Variants in TSBP1 observed in about 807,000 individuals in gnomAD.
TSBP1 encodes the protein testis expressed basic protein 1, also known as testis-expressed basic protein 1.
A neutral mutation model predicts 68.8 loss-of-function variants in TSBP1; 56 were observed. The ratio of observed to expected loss-of-function variants is 0.81; its 90% CI spans 0.66 to 1.02. TSBP1 has a LOEUF of 1.02. Ranked by LOEUF, TSBP1 falls within the 50% of genes least tolerant of loss-of-function variation. TSBP1 has a pLI of 0.00. For missense variants in TSBP1, 502 were observed against 641.2 expected (o/e 0.78, Z 2.34); for synonymous variants, 171 against 208.7 (o/e 0.82, Z 1.56).
chr6:32,345,789 T>C (rs1770944126), intron 9 of TSBP1, among the ~76,000 whole-genome samples: 1 of 152,174 alleles, frequency 6.6e-6, no homozygotes, highest in African/African-American at 2.4e-5. Flanking sequence ...GAGGTCCTGG[T>C]TTGAGAGGCC....
chr6:32,370,925 A>C (rs1342640560), intron 1 of TSBP1, among the ~76,000 whole-genome samples: 1 of 152,184 alleles, frequency 6.6e-6, no homozygotes, highest in Non-Finnish European at 1.5e-5. Flanking sequence ...AAAACTCTGA[A>C]GAATATTGAG....
Position 32,322,468 on chromosome 6 carries a change from G to T in TSBP1, c.559+649C>A, listed in dbSNP as rs771621512. The T allele has an allele frequency of 6.3e-7, 1 of 1,587,308 alleles. No homozygotes were observed. The highest frequency in any genetic ancestry group is 8.6e-7 in the Non-Finnish European group (1 of 1,156,874). On this transcript the variant is annotated intron_variant, in intron 18 of 22. Coordinates refer to ENST00000612031, the Ensembl canonical transcript of TSBP1. ...GAAAAGTCCCCACATATGACCAGCTGAGAAGTAGAGTACTTACTTGCGGTT... is the reference window on the plus strand; with the variant it reads ...GAAAAGTCCCCACATATGACCAGCTTAGAAGTAGAGTACTTACTTGCGGTT...
At chr6:32,342,918 GA>G in intron 9 of TSBP1, among the ~76,000 whole-genome samples, 1 of 152,270 alleles carries the variant, frequency 6.6e-6, no homozygotes, top group East Asian at 1.9e-4. Context: ...TTAAAGGAAG[GA>G]AAATATTTAA....
chr6:32,301,529 A>G (rs930465982), intron 20 of TSBP1, among the ~76,000 whole-genome samples: 1 of 151,470 alleles, frequency 6.6e-6, no homozygotes, highest in Non-Finnish European at 1.5e-5. Context: ...AGCCTGGGCA[A>G]CATAATGAGA....
chr6:32,362,063 G>T (rs1476819065), intron 6 of TSBP1, among the ~76,000 whole-genome samples: 1 of 152,046 alleles, frequency 6.6e-6, no homozygotes, highest in Non-Finnish European at 1.5e-5. Flanking sequence ...GGCCGAGGTG[G>T]GCGGATCACG....
chr6:32,295,057 TG>T (rs1322012607), intron 22 of TSBP1, among the ~76,000 whole-genome samples: 1 of 152,076 alleles, frequency 6.6e-6, no homozygotes, highest in East Asian at 1.9e-4. Flanking sequence ...AGACTTGGGC[TG>T]GGGGCAGTGG....
intron 1 of TSBP1, 36 bp downstream of exon 1, chr6:32,371,658 A>G (rs772489411): frequency 2.7e-6 from 4 of 1,501,206 alleles, no homozygotes; most frequent in Admixed American, 1.7e-5. Context: ...GAACTACTAG[A>G]GTTGAGGAAG....
chr6:32,364,832 G>A (rs1235004406), intron 6 of TSBP1, among the ~76,000 whole-genome samples: 1 of 152,038 alleles, frequency 6.6e-6, no homozygotes, highest in African/African-American at 2.4e-5. Flanking sequence ...GTCTTGTCTT[G>A]TGTTTTCACA....
intron 16 of TSBP1, chr6:32,324,631 G>A: frequency 6.4e-7 from 1 of 1,550,624 alleles, no homozygotes; most frequent in East Asian, 2.4e-5. Context: ...CTAAAGGAGA[G>A]AATTCAATGA....
At chr6:32,317,606 T>G (rs1212164299) in intron 18 of TSBP1, among the ~76,000 whole-genome samples, 2 of 151,962 alleles carry the variant, frequency 1.3e-5, no homozygotes, top group East Asian at 3.9e-4. Context: ...TTAAACAAAT[T>G]TACAAGACAA....
Position 32,336,713 on chromosome 6 carries a change from T to C in TSBP1, c.410-78A>G, listed in dbSNP as rs1380146841. ...TTACCAGTATTGTTTCTAAAGAAAC[T>C]ATGAAGCAATTCAACCAGAGGAGAA... On this transcript the variant is annotated intron_variant, in intron 11 of 22. Transcript: ENST00000612031. The surrounding 1 kb of genome is among the most constrained non-coding windows in gnomAD (Gnocchi z 5.2). 4 of 1,349,514 alleles carry C rather than the reference T, an allele frequency of 3.0e-6. No homozygotes were observed. The African/African-American group carries it at 5.8e-5, about 19-fold the overall frequency. 83.6% of individuals were successfully genotyped at this position (1,349,514 alleles called of 1,614,324 possible). A position where few individuals can be genotyped will look rare whatever the true frequency, so the allele number is the denominator to read the frequency against.
At chr6:32,303,897 A>G (rs3864299) in intron 19 of TSBP1, among the ~76,000 whole-genome samples, 1 of 151,930 alleles carries the variant, frequency 6.6e-6, no homozygotes, top group African/African-American at 2.4e-5. Flanking sequence ...TACATCTTCT[A>G]GTTTTTATTA....
At chr6:32,294,699 G>C (rs1252568120) in intron 22 of TSBP1, among the ~76,000 whole-genome samples, 2 of 152,122 alleles carry the variant, frequency 1.3e-5, no homozygotes, top group Non-Finnish European at 2.9e-5. Context: ...TGAGTAGTCA[G>C]ACTCCAGTGT....
At chr6:32,334,605 C>T (rs1265757) in intron 14 of TSBP1, among the ~76,000 whole-genome samples, 9,528 of 151,984 alleles carry the variant, frequency 0.063, 459 homozygotes, top group Non-Finnish European at 0.11. Flanking sequence ...TTAGATGCAA[C>T]AAAGTAATGT....
chr6:32,330,891 G>A (rs1768937100), intron 15 of TSBP1, among the ~76,000 whole-genome samples: 1 of 152,008 alleles, frequency 6.6e-6, no homozygotes, highest in Non-Finnish European at 1.5e-5. Context: ...GGCTGGTCTC[G>A]AACTCCTGAC....
In TSBP1 at chr6:32,325,285, T is replaced by C; in HGVS notation, c.515-1671A>G. On this transcript the variant is annotated intron_variant, in intron 16 of 22. Transcript: ENST00000612031. This position sits in a 1 kb window ranked among gnomAD's most constrained non-coding sequence, Gnocchi z 4.4. Reference sequence around the variant, plus strand: ...GAAGCTCTTCATTGGAGGGTTGAGCTTTGAAACAACTGATGAGAGCCTGAG... The same window carrying C: ...GAAGCTCTTCATTGGAGGGTTGAGCCTTGAAACAACTGATGAGAGCCTGAG... 1.4e-6 allele frequency: 2 copies of C among 1,392,272 alleles called. No individual in the cohort carries two copies. Among genetic ancestry groups the C allele is most frequent in the Admixed American group, 1.8e-5 (1 of 54,982 alleles). 86.2% of individuals were successfully genotyped at this position (1,392,272 alleles called of 1,614,324 possible).
intron 16 of TSBP1, 86 bp downstream of exon 17, chr6:32,330,503 T>C: frequency 8.0e-7 from 1 of 1,257,524 alleles, no homozygotes; most frequent in Admixed American, 2.0e-5. Flanking sequence ...GAGACACATC[T>C]AGGGCATTTG....
chr6:32,310,761 A>ATATATATATATTTTTTTTTTTTTTT, intron 19 of TSBP1, among the ~76,000 whole-genome samples: 2 of 144,806 alleles, frequency 1.4e-5, no homozygotes, highest in South Asian at 2.2e-4. Context: ...ATATATATAT[A>ATATATATATATTTTTTTTTTTTTTT]TTTTTAATCT....
At chr6:32,358,571 C>T (rs1368144593) in intron 6 of TSBP1, among the ~76,000 whole-genome samples, 1 of 151,992 alleles carries the variant, frequency 6.6e-6, no homozygotes, top group Non-Finnish European at 1.5e-5. Flanking sequence ...CCGCTCCCCT[C>T]ACCCCACAAC....
Sources: gnomAD v4.1 joint callset for allele counts (sites outside exome capture counted in the v4.1 genomes callset) on GRCh38, gnomAD v4.1.1 for gene constraint, Gnocchi (gnomAD v3.1) non-coding constraint, MANE v1.5 for transcripts, NCBI Gene and HGNC (gene_info 2026-07-23, HGNC 2026-07-21) for gene names.